BNC2: variants seen among roughly 807,000 people sequenced by gnomAD.
BNC2 encodes zinc finger protein basonuclin-2.
BNC2 carries 20 observed loss-of-function variants against 76.3 expected under a neutral mutation model. The observed-to-expected ratio is 0.26, with a 90% CI of 0.18 to 0.38. The LOEUF (loss-of-function observed/expected upper bound fraction) is 0.38. BNC2 is among the 10% of genes least tolerant of loss of function. The pLI is 1.00. For missense variants in BNC2, 1,382 were observed against 1,399.8 expected (o/e 0.99, Z 0.20); for synonymous variants, 582 against 514.8 (o/e 1.13, Z -1.77).
chr9:16,855,699 G>A (rs1204182711), intron 1 of BNC2, among the ~76,000 whole-genome samples: 3 of 151,710 alleles, frequency 2.0e-5, no homozygotes, highest in African/African-American at 7.3e-5. Context: ...GACCACGCCC[G>A]GCTGATTTCT....
chr9:16,533,936 T>C (rs1310918257), intron 5 of BNC2, among the ~76,000 whole-genome samples: 1 of 152,128 alleles, frequency 6.6e-6, no homozygotes, highest in African/African-American at 2.4e-5. Context: ...TTAGTAGTAA[T>C]ACAGCAGATT....
intron 3 of BNC2, among the ~76,000 whole-genome samples, chr9:16,665,386 A>AAAGAGAGAGAGAGAGAG (rs1554702315): frequency 5.9e-5 from 5 of 84,300 alleles, no homozygotes; most frequent in African/African-American, 2.0e-4. Context: ...AAAAAAAAAA[A>AAAGAGAGAGAGAGAGAG]AGAGAGAGAG....
rs755581101 is a variant in BNC2 at position 16,436,473 on chromosome 9, C to G, written c.1721G>C (p.Arg574Thr). The G allele has an allele frequency of 6.2e-7, 1 of 1,614,038 alleles. No individual in the cohort carries two copies. The highest frequency in any genetic ancestry group is 1.3e-5 in the African/African-American group (1 of 74,994). ...KTVQPVPPFYRSLLTPGEMVS... is the reference protein window; with the variant it reads ...KTVQPVPPFYTSLLTPGEMVS... ...CATTTCCCCTGGAGTGAGTAAACTT[C>G]TATAAAATGGAGGAACTGGTTGTAC... Residue 574 changes from arginine to threonine, a missense_variant, in exon 6 of 7, where the codon AGA (arginine) becomes ACA (threonine). Around this residue, in one of 3 missense-constraint regions of BNC2, gnomAD observed 798 missense variants for 775.5 expected, o/e 1.03. Transcript: ENST00000380672.
intron 5 of BNC2, among the ~76,000 whole-genome samples, chr9:16,508,955 G>C (rs963985009): frequency 6.6e-6 from 1 of 151,556 alleles, no homozygotes; most frequent in African/African-American, 2.4e-5. Context: ...CAAGTAGCTG[G>C]GACTACAAGT....
intron 5 of BNC2, among the ~76,000 whole-genome samples, chr9:16,499,598 C>T (rs578010877): frequency 4.1e-5 from 6 of 146,268 alleles, no homozygotes; most frequent in Admixed American, 3.5e-4. Context: ...GGCACAATCT[C>T]AGCTCACTGT....
chr9:16,828,740 C>T (rs948826475), intron 1 of BNC2, among the ~76,000 whole-genome samples: 2 of 152,164 alleles, frequency 1.3e-5, no homozygotes, highest in African/African-American at 2.4e-5. Context: ...TGACTTTTGT[C>T]CCCCTGGTTA....
At chr9:16,679,058 C>A (rs184827775) in intron 3 of BNC2, among the ~76,000 whole-genome samples, 1 of 152,272 alleles carries the variant, frequency 6.6e-6, no homozygotes, top group East Asian at 1.9e-4. Flanking sequence ...GAGAAACTGT[C>A]CTCCAAGCTG....
intron 1 of BNC2, among the ~76,000 whole-genome samples, chr9:16,773,723 T>C (rs1825889567): frequency 1.3e-5 from 2 of 152,168 alleles, no homozygotes; most frequent in South Asian, 4.1e-4. Flanking sequence ...CCGTTCATCT[T>C]ACACTGTGTA....
At chr9:16,586,288 T>A (rs548235487) in intron 3 of BNC2, among the ~76,000 whole-genome samples, 2 of 152,208 alleles carry the variant, frequency 1.3e-5, no homozygotes, top group Non-Finnish European at 2.9e-5. Context: ...TTTTCTTAAG[T>A]CTGCACCTTA....
At chr9:16,519,592 A>G (rs1817552265) in intron 5 of BNC2, among the ~76,000 whole-genome samples, 2 of 152,222 alleles carry the variant, frequency 1.3e-5, no homozygotes, top group Admixed American at 6.5e-5. Flanking sequence ...ACATGAGGTT[A>G]GACGGAAAGG....
chr9:16,681,884 C>G (rs141304804), intron 3 of BNC2, among the ~76,000 whole-genome samples: 2 of 152,070 alleles, frequency 1.3e-5, no homozygotes, highest in Non-Finnish European at 2.9e-5. Context: ...AGTAACTAGA[C>G]AGTAACGTTT....
chr9:16,559,318 G>A (rs1818940235), intron 4 of BNC2, among the ~76,000 whole-genome samples: 1 of 152,100 alleles, frequency 6.6e-6, no homozygotes, highest in East Asian at 1.9e-4. Context: ...GTGTGTTAGT[G>A]TATTTTATGT....
chr9:16,413,833 T>C lies in BNC2; in HGVS notation c.*5156A>G, dbSNP rs1213629280. ...TAGAACAGTAAATGAGCTCCCATTT[T>C]GATCAAGGTCTTTAGCCTAGTATTA... On this transcript the variant is annotated 3_prime_UTR_variant, in exon 7 of 7. Transcript: ENST00000380672. 6.6e-6 allele frequency: 1 copy of C among 152,224 alleles called. No individual in the cohort carries two copies. The highest frequency in any genetic ancestry group is 1.5e-5 in the Non-Finnish European group (1 of 68,044). The allele number at this position is 152,224 out of a possible 1,614,324, so 9.4% of individuals were successfully genotyped here.
intron 1 of BNC2, among the ~76,000 whole-genome samples, chr9:16,761,255 A>G (rs1209941037): frequency 3.3e-5 from 5 of 152,254 alleles, no homozygotes; most frequent in Non-Finnish European, 7.4e-5. Flanking sequence ...CAAAACAAAA[A>G]ACAACAACAA....
At chr9:16,822,801 T>C (rs4568695) in intron 1 of BNC2, among the ~76,000 whole-genome samples, 42,372 of 152,126 alleles carry the variant, frequency 0.28, 7,729 homozygotes, top group East Asian at 0.86. Flanking sequence ...TAGTCAACTA[T>C]GTGGAACACT....
intron 5 of BNC2, among the ~76,000 whole-genome samples, chr9:16,544,638 G>T (rs1485129810): frequency 6.6e-6 from 1 of 151,816 alleles, no homozygotes; most frequent in Non-Finnish European, 1.5e-5. Flanking sequence ...GCCAACACTG[G>T]TAAAACCCCA....
chr9:16,618,064 C>G (rs941674828), intron 3 of BNC2, among the ~76,000 whole-genome samples: 1 of 152,182 alleles, frequency 6.6e-6, no homozygotes, highest in Non-Finnish European at 1.5e-5. Flanking sequence ...TCGGGGCTAC[C>G]TATTCTACGT....
chr9:16,426,674 T>A (rs971155182), intron 6 of BNC2, among the ~76,000 whole-genome samples: 4 of 151,998 alleles, frequency 2.6e-5, no homozygotes, highest in Admixed American at 6.5e-5. Context: ...ATGTCAAAAC[T>A]ACCAGCCAAA....
chr9:16,778,541 C>CA (rs764947402), intron 1 of BNC2, among the ~76,000 whole-genome samples: 1 of 152,192 alleles, frequency 6.6e-6, no homozygotes, highest in African/African-American at 2.4e-5. Context: ...TATTATGTGT[C>CA]AGATACTTTC....
Sources: gnomAD v4.1 joint callset for allele counts (sites outside exome capture counted in the v4.1 genomes callset) on GRCh38, gnomAD v4.1.1 for gene constraint, gnomAD v4.1.1 regional missense constraint, MANE v1.5 for transcripts, NCBI Gene and HGNC (gene_info 2026-07-23, HGNC 2026-07-21) for gene names.